Variants in CMSS1 observed in about 807,000 individuals in gnomAD.
CMSS1 encodes protein CMSS1.
A neutral mutation model predicts 43.5 loss-of-function variants in CMSS1; 33 were observed. That is an observed-to-expected ratio of 0.76 (90% CI 0.57 to 1.01). CMSS1 has a LOEUF of 1.01. Among genes scored for constraint, CMSS1 ranks in the 50% least tolerant of loss-of-function variants. The pLI is 0.00. For synonymous variants in CMSS1, 115 were observed against 117.2 expected (o/e 0.98, Z 0.12); for missense variants, 313 against 326.4 (o/e 0.96, Z 0.32).
chr3:99,848,346 A>G, intron 1 of CMSS1: 2 of 1,614,140 alleles, frequency 1.2e-6, no homozygotes, highest in Non-Finnish European at 1.7e-6. Context: ...TGATAGTAAT[A>G]CTGCTGGTGA....
chr3:100,087,488 G>T (rs1334692098), intron 1 of CMSS1, among the ~76,000 whole-genome samples: 3 of 152,148 alleles, frequency 2.0e-5, no homozygotes, highest in African/African-American at 7.2e-5. Flanking sequence ...ATGACTAATG[G>T]TGTTGAGCAT....
chr3:100,062,382 A>T (rs1427577359), intron 1 of CMSS1, among the ~76,000 whole-genome samples: 1 of 151,908 alleles, frequency 6.6e-6, no homozygotes, highest in Non-Finnish European at 1.5e-5. Flanking sequence ...AAGTGCTAGG[A>T]TTACAGGTGT....
intron 1 of CMSS1, among the ~76,000 whole-genome samples, chr3:100,094,963 C>T (rs1012628205): frequency 1.3e-5 from 2 of 152,094 alleles, no homozygotes; most frequent in African/African-American, 4.8e-5. Context: ...GCTGGGATTA[C>T]AGGAGTGAGC....
intron 1 of CMSS1, among the ~76,000 whole-genome samples, chr3:100,085,692 C>T (rs1215992345): frequency 2.0e-5 from 3 of 152,158 alleles, no homozygotes; most frequent in Non-Finnish European, 4.4e-5. Flanking sequence ...TTCTGAAGTA[C>T]TCTTCAGCCA....
intron 1 of CMSS1, among the ~76,000 whole-genome samples, chr3:100,062,429 CA>C (rs2065589586): frequency 6.6e-6 from 1 of 152,048 alleles, no homozygotes; most frequent in Non-Finnish European, 1.5e-5. Flanking sequence ...CTTCTTTTAA[CA>C]GAAGATTTTG....
intron 1 of CMSS1, among the ~76,000 whole-genome samples, chr3:99,993,323 A>T (rs144532267): frequency 6.6e-6 from 1 of 152,050 alleles, no homozygotes; most frequent in East Asian, 1.9e-4. Flanking sequence ...AACTTCTTTC[A>T]GTTTTGGAGC....
At chr3:100,104,278 A>T (rs1299987076) in intron 1 of CMSS1, among the ~76,000 whole-genome samples, 1 of 152,160 alleles carries the variant, frequency 6.6e-6, no homozygotes, top group Non-Finnish European at 1.5e-5. Context: ...GGGATGGCTC[A>T]CCCTGACCTC....
intron 1 of CMSS1, among the ~76,000 whole-genome samples, chr3:99,923,684 C>G (rs1707194922): frequency 6.6e-6 from 1 of 152,208 alleles, no homozygotes. Context: ...AGTTGTTCCT[C>G]CATGTTCCCT....
At chr3:99,852,958 A>T (rs1007996575) in intron 1 of CMSS1, among the ~76,000 whole-genome samples, 3 of 152,194 alleles carry the variant, frequency 2.0e-5, no homozygotes, top group African/African-American at 7.2e-5. Context: ...AGGCTGGCCC[A>T]AGGGCTGTGG....
At chr3:100,018,095 G>T (rs752149876) in intron 1 of CMSS1, among the ~76,000 whole-genome samples, 22 of 152,156 alleles carry the variant, frequency 1.4e-4, no homozygotes, top group Non-Finnish European at 1.5e-5. Flanking sequence ...TTGGGAGGCC[G>T]AGGCGGGCAG....
intron 1 of CMSS1, among the ~76,000 whole-genome samples, chr3:100,062,860 A>G (rs1306557838): frequency 1.3e-5 from 2 of 152,140 alleles, no homozygotes; most frequent in East Asian, 3.9e-4. Context: ...CCCAACTCTC[A>G]GTTACTTGTA....
At chr3:100,146,067 G>A (rs1227936923) in intron 1 of CMSS1, among the ~76,000 whole-genome samples, 2 of 152,170 alleles carry the variant, frequency 1.3e-5, no homozygotes, top group Non-Finnish European at 2.9e-5. Flanking sequence ...CTCACTTTGA[G>A]ATATACAGAG....
chr3:100,166,336 C>T lies in CMSS1; in HGVS notation c.357C>T (p.Asp119=). 1.3e-6 allele frequency: 2 copies of T among 1,587,930 alleles called. No individual in the cohort carries two copies. Among genetic ancestry groups the T allele is most frequent in the Non-Finnish European group, 1.7e-6 (2 of 1,156,666 alleles). The change falls in exon 5 of 10, where the codon GAC becomes GAT. Residue 119 remains aspartate, a splice_region_variant and synonymous_variant. Transcript: ENST00000421999. The part of the protein sequence containing the change: ...VIELEELNLP[D]SCFLKANDLT... The stretch of plus-strand genomic sequence containing the variant: ...AAAGCATGTTTATTATATTTCTAGA[C>T]TCCTGTTTCCTCAAGGCCAATGATT...
chr3:100,002,643 C>T (rs1709876285), intron 1 of CMSS1, among the ~76,000 whole-genome samples: 1 of 152,086 alleles, frequency 6.6e-6, no homozygotes, highest in Non-Finnish European at 1.5e-5. Context: ...TGTGATTGAC[C>T]TCAATTTTTA....
chr3:99,846,109 A>G (rs1943353308), intron 1 of CMSS1, among the ~76,000 whole-genome samples: 1 of 151,932 alleles, frequency 6.6e-6, no homozygotes, highest in South Asian at 2.1e-4. Context: ...TGGCTCCCAA[A>G]CTCTATTAGT....
intron 1 of CMSS1, among the ~76,000 whole-genome samples, chr3:100,081,004 TTC>T: frequency 6.6e-6 from 1 of 152,346 alleles, no homozygotes; most frequent in Admixed American, 6.5e-5. Flanking sequence ...TCATTATTTA[TTC>T]AAGAACTATC....
At chr3:99,836,086 T>A (rs1035407244) in intron 1 of CMSS1, among the ~76,000 whole-genome samples, 3 of 152,180 alleles carry the variant, frequency 2.0e-5, no homozygotes, top group Non-Finnish European at 4.4e-5. Context: ...TTTTAAGTGC[T>A]GTTTTCTGGG....
chr3:99,850,469 G>A (rs368410003), intron 1 of CMSS1: 1 of 1,613,726 alleles, frequency 6.2e-7, no homozygotes. Flanking sequence ...TCCCTTTCAA[G>A]CCTCTTATTG....
intron 1 of CMSS1, among the ~76,000 whole-genome samples, chr3:99,911,941 T>A (rs897740946): frequency 6.6e-6 from 1 of 152,050 alleles, no homozygotes; most frequent in Non-Finnish European, 1.5e-5. Context: ...CGTTCTCTCT[T>A]TTTTTTTCCA....
Sources: gnomAD v4.1 joint callset for allele counts (sites outside exome capture counted in the v4.1 genomes callset) on GRCh38, gnomAD v4.1.1 for gene constraint, MANE v1.5 for transcripts, NCBI Gene and HGNC (gene_info 2026-07-23, HGNC 2026-07-21) for gene names.